PHLPP1: variants seen among roughly 807,000 people sequenced by gnomAD.
The protein encoded by PHLPP1 is PH domain and leucine rich repeat protein phosphatase 1.
PHLPP1 carries 42 observed loss-of-function variants against 117.2 expected under a neutral mutation model. The ratio of observed to expected loss-of-function variants is 0.36; its 90% CI spans 0.28 to 0.46. The LOEUF is 0.46. Among genes scored for constraint, PHLPP1 ranks in the 20% least tolerant of loss-of-function variants. The pLI is 1.00. For synonymous variants in PHLPP1, 1,042 were observed against 970.7 expected, an observed-to-expected ratio of 1.07 and a Z score of -1.37; for missense variants, 2,084 against 2,241.9, an observed-to-expected ratio of 0.93 and a Z score of 1.42.
At chr18:62,801,974 T>C (rs947342372) in intron 1 of PHLPP1, among the ~76,000 whole-genome samples, 1 of 152,158 alleles carries the variant, frequency 6.6e-6, no homozygotes, top group Non-Finnish European at 1.5e-5. Context: ...CTAGTACCAT[T>C]AATATTTTTA....
chr18:62,890,293 G>A (rs1916375249), intron 4 of PHLPP1, among the ~76,000 whole-genome samples: 1 of 151,836 alleles, frequency 6.6e-6, no homozygotes, highest in South Asian at 2.1e-4. Context: ...TTGAGATGGA[G>A]TCTTGCTTTG....
chr18:62,914,867 A>T (rs1304294001), intron 8 of PHLPP1, 46 bp from the exon 9 acceptor site: 4 of 1,383,500 alleles, frequency 2.9e-6, no homozygotes, highest in East Asian at 4.6e-5. Context: ...TTAGAACCAC[A>T]TTTGAGGACA....
Position 62,978,348 on chromosome 18 carries a change from G to A in PHLPP1, c.4071G>A (p.Val1357=), listed in dbSNP as rs1184273214. The A allele has an allele frequency of 6.2e-7, 1 of 1,613,004 alleles. No homozygotes were observed. Among genetic ancestry groups the A allele is most frequent in the Non-Finnish European group, 8.5e-7 (1 of 1,179,386 alleles). The part of the protein sequence containing the change: ...LHPSVVPRPH[V]QSVLLTPQDE... The stretch of plus-strand genomic sequence containing the variant: ...CCAGTGTGGTGCCTCGCCCCCACGT[G>A]CAGTCCGTGCTCCTGACTCCCCAGG... The change falls in exon 17 of 17, where the codon GTG becomes GTA. Residue 1357 remains valine, a synonymous_variant. Transcript: ENST00000262719. This position sits in a 1 kb window ranked among gnomAD's most constrained non-coding sequence, Gnocchi z 7.0.
At chr18:62,923,045 G>A (rs942431296) in intron 10 of PHLPP1, among the ~76,000 whole-genome samples, 2 of 152,170 alleles carry the variant, frequency 1.3e-5, no homozygotes, top group African/African-American at 4.8e-5. Context: ...AATGTGAACT[G>A]AACAAAGATG....
At chr18:62,821,117 G>A (rs756585109) in intron 1 of PHLPP1, among the ~76,000 whole-genome samples, 1 of 152,156 alleles carries the variant, frequency 6.6e-6, no homozygotes, top group Non-Finnish European at 1.5e-5. Context: ...GCAGTGTTTA[G>A]AAAGAAGAGA....
rs1354442151 is a variant in PHLPP1, at chr18:62,912,139, C to G, written c.2709-2774C>G. ...GACACAGGAAGGGGAATATCACACT[C>G]TGGGGACTGTGGTGGGGTCGGGGGA... On this transcript the variant is annotated intron_variant, in intron 8 of 16. Coordinates refer to ENST00000262719, the MANE Select transcript of PHLPP1 (RefSeq NM_194449.4). Among the ~76,000 whole-genome samples, 7 of 110,172 alleles carry G rather than the reference C, an allele frequency of 6.4e-5. No individual in the cohort carries two copies. The East Asian group carries it at 1.5e-3, about 24-fold the overall frequency. The allele number at this position is 110,172 out of a possible 152,430, so 72.3% of individuals were successfully genotyped here.
At chr18:62,732,360 A>G (rs928156863) in intron 1 of PHLPP1, among the ~76,000 whole-genome samples, 4 of 152,206 alleles carry the variant, frequency 2.6e-5, no homozygotes, top group Non-Finnish European at 4.4e-5. Flanking sequence ...TCTGTGCTCT[A>G]TGAGTGGAAT....
intron 4 of PHLPP1, among the ~76,000 whole-genome samples, chr18:62,894,265 A>G (rs1056253681): frequency 6.6e-6 from 1 of 152,164 alleles, no homozygotes; most frequent in African/African-American, 2.4e-5. Context: ...GTGCAATCTC[A>G]GCTCACTGCA....
Position 62,715,981 on chromosome 18 carries a change from C to A in PHLPP1, c.298C>A (p.Gln100Lys). The A allele has an allele frequency of 7.5e-7, 1 of 1,326,322 alleles. No individual in the cohort carries two copies. Among genetic ancestry groups the A allele is most frequent in the Non-Finnish European group, 9.6e-7 (1 of 1,043,176 alleles). The allele number at this position is 1,326,322 out of a possible 1,614,324, so 82.2% of individuals were successfully genotyped here. ...GCGCAGGAGGCGGCGCGGGGCGCCCCAGCCCATTGCCGGCGGGGCTGCCCC... is the reference window on the plus strand; with the variant it reads ...GCGCAGGAGGCGGCGCGGGGCGCCCAAGCCCATTGCCGGCGGGGCTGCCCC... ...AGRRRRRGAP[Q>K]PIAGGAAPVP... The change falls in exon 1 of 17, where the codon CAG (glutamine) becomes AAG (lysine). Residue 100 changes from glutamine (Q) to lysine (K), a missense_variant. Gln to Lys is a moderately conservative substitution (Grantham distance 53). This residue lies in a region of PHLPP1 where 719 missense variants were observed against 636.0 expected (regional missense o/e 1.13). Transcript: ENST00000262719.
intron 1 of PHLPP1, among the ~76,000 whole-genome samples, chr18:62,719,502 G>A (rs1423814198): frequency 1.3e-5 from 2 of 152,172 alleles, no homozygotes; most frequent in Non-Finnish European, 2.9e-5. Context: ...CACCAGGCTG[G>A]AAGTGATTCC....
At chr18:62,894,499 T>TA (rs1389409856) in intron 4 of PHLPP1, among the ~76,000 whole-genome samples, 1 of 152,220 alleles carries the variant, frequency 6.6e-6, no homozygotes, top group Non-Finnish European at 1.5e-5. Context: ...GCCCAGCTGA[T>TA]AATTGGTTCT....
intron 2 of PHLPP1, 79 bp from the exon 3 acceptor site, chr18:62,838,705 A>G: frequency 7.0e-7 from 1 of 1,429,332 alleles, no homozygotes; most frequent in Non-Finnish European, 9.8e-7. Context: ...AGGCTCCTTG[A>G]TCAGAGGCAT....
intron 8 of PHLPP1, among the ~76,000 whole-genome samples, chr18:62,913,427 C>T (rs1375386981): frequency 1.3e-5 from 2 of 151,922 alleles, no homozygotes; most frequent in African/African-American, 4.8e-5. Flanking sequence ...GATATAATTG[C>T]AAAATTAAAG....
chr18:62,957,968 A>G (rs1910666106), intron 12 of PHLPP1, among the ~76,000 whole-genome samples: 1 of 152,160 alleles, frequency 6.6e-6, no homozygotes, highest in Non-Finnish European at 1.5e-5. Flanking sequence ...TCTGCCTCCC[A>G]AAGTGCTGGG....
Position 62,716,340 on chromosome 18 carries a change from G to C in PHLPP1, c.657G>C (p.Val219=). ...TGGCCTCGACCTACCTGCGCCCGGT[G>C]CTCTGCACACTGGACACCACGGCCG... is the stretch of plus-strand genomic sequence containing the variant. ...RHMASTYLRP[V]LCTLDTTAGE... The change falls in exon 1 of 17, where the codon GTG becomes GTC. Residue 219 remains valine, a synonymous_variant. Transcript: ENST00000262719. This position sits in a 1 kb window ranked among gnomAD's most constrained non-coding sequence, Gnocchi z 5.7. 6.6e-7 allele frequency: 1 copy of C among 1,526,658 alleles called. No individual in the cohort carries two copies. The highest frequency in any genetic ancestry group is 8.7e-7 in the Non-Finnish European group (1 of 1,143,606). The allele number at this position is 1,526,658 out of a possible 1,614,324, so 94.6% of individuals were successfully genotyped here. A position where few individuals can be genotyped will look rare whatever the true frequency, so the allele number is the denominator to read the frequency against.
intron 4 of PHLPP1, among the ~76,000 whole-genome samples, chr18:62,870,148 G>C (rs1248305736): frequency 1.3e-5 from 2 of 151,926 alleles, no homozygotes; most frequent in South Asian, 4.2e-4. Flanking sequence ...TGCCAGCCTC[G>C]GTCTCCCACA....
intron 10 of PHLPP1, among the ~76,000 whole-genome samples, chr18:62,930,539 C>G (rs1909777843): frequency 6.6e-6 from 1 of 152,150 alleles, no homozygotes; most frequent in African/African-American, 2.4e-5. Context: ...CATACTCACC[C>G]AACATCAGAG....
intron 10 of PHLPP1, 122 bp from the exon 11 acceptor site, chr18:62,941,596 G>A (rs990142893): frequency 3.5e-5 from 24 of 677,268 alleles, no homozygotes; most frequent in Non-Finnish European, 6.1e-5. Context: ...TGAAGCCAGG[G>A]CTTGTCTTTT....
chr18:62,917,435 T>TG (rs1599119456), intron 9 of PHLPP1, among the ~76,000 whole-genome samples: 3 of 150,918 alleles, frequency 2.0e-5, no homozygotes, highest in African/African-American at 4.9e-5. Flanking sequence ...TGTGTGTGTG[T>TG]TTAACATGTG....
Sources: gnomAD v4.1 joint callset for allele counts (sites outside exome capture counted in the v4.1 genomes callset) on GRCh38, gnomAD v4.1.1 for gene constraint, gnomAD v4.1.1 regional missense constraint, Gnocchi (gnomAD v3.1) non-coding constraint, MANE v1.5 for transcripts, NCBI Gene and HGNC (gene_info 2026-07-23, HGNC 2026-07-21) for gene names.